Variants in TEX51 observed in about 807,000 individuals in gnomAD.
The protein encoded by TEX51 is testis-expressed protein 51.
A neutral mutation model predicts 8.0 loss-of-function variants in TEX51; 14 were observed. That is an observed-to-expected ratio of 1.76 (90% CI 1.16 to 2.75). TEX51 has a LOEUF of 2.75. TEX51 is among the 30% of genes most tolerant of loss of function. The pLI is 0.00. For missense variants in TEX51, 142 were observed against 77.4 expected, an observed-to-expected ratio of 1.83 and a Z score of -3.13; for synonymous variants, 58 against 28.6, an observed-to-expected ratio of 2.03 and a Z score of -3.29.
Position 126,899,008 on chromosome 2 carries a change from C to T in TEX51, c.90C>T (p.Asp30=). The T allele has an allele frequency of 7.1e-6, 5 of 702,298 alleles. No homozygotes were observed. Among genetic ancestry groups the T allele is most frequent in the Non-Finnish European group, 1.3e-5 (5 of 384,828 alleles). 43.5% of individuals were successfully genotyped at this position (702,298 alleles called of 1,614,324 possible). Residue 30 remains aspartate, a synonymous_variant, in exon 1 of 7, where the codon GAC becomes GAT. Coordinates refer to ENST00000568484, the MANE Select transcript of TEX51 (RefSeq NM_001322244.2). The part of the protein sequence containing the change: ...RCWPELSALI[D]YDLQILWVTP... ...GGCCAGAACTGTCTGCCTTGATAGA[C>T]TATGACCTGCAGATCCTCTGGGTGA...
At chr2:126,899,348 C>T in intron 2 of TEX51, 57 bp downstream of exon 2, 2 of 700,562 alleles carry the variant, frequency 2.9e-6, no homozygotes, top group Non-Finnish European at 5.2e-6. Context: ...GGCCCACCCT[C>T]CAAGGCATTC....
chr2:126,900,015 C>T lies in TEX51; in HGVS notation c.390C>T (p.Cys130=). The change falls in exon 4 of 7, where the codon TGC becomes TGT. Residue 130 remains cysteine (C), a synonymous_variant. Transcript: ENST00000568484. ...TCTCCTGCAATGACCCCACTTTCTG[C>T]CCAGGTCAGTGGCCACCACCCTGTC... ...HFLSCNDPTF[C]PARNRRTSLW... is the part of the protein sequence containing the mutation. The T allele has an allele frequency of 1.4e-6, 1 of 700,822 alleles. No homozygotes were observed. Among genetic ancestry groups the T allele is most frequent in the Non-Finnish European group, 2.6e-6 (1 of 384,814 alleles). 43.4% of individuals were successfully genotyped at this position (700,822 alleles called of 1,614,324 possible).
intron 4 of TEX51, among the ~76,000 whole-genome samples, chr2:126,900,789 C>T (rs757963474): frequency 3.3e-4 from 51 of 152,302 alleles, no homozygotes; most frequent in Middle Eastern, 6.8e-3. Flanking sequence ...CCACCCTCCT[C>T]GGGAGCCCCC....
chr2:126,901,544 A>G, intron 6 of TEX51, 140 bp downstream of exon 6: 1 of 617,892 alleles, frequency 1.6e-6, no homozygotes. Context: ...ATCGAGGGCC[A>G]GGACTCTCAG....
At chr2:126,901,753 C>T (rs1680344814) in intron 6 of TEX51, 119 bp from the exon 7 acceptor site, 1 of 573,086 alleles carries the variant, frequency 1.7e-6, no homozygotes, top group Non-Finnish European at 3.1e-6. Flanking sequence ...CTGCCTTGCC[C>T]TCTGCTCTGG....
chr2:126,899,876 C>A, intron 3 of TEX51, 60 bp from the exon 4 acceptor site: 1 of 702,256 alleles, frequency 1.4e-6, no homozygotes, highest in South Asian at 1.5e-5. Context: ...GGGGACTGGG[C>A]CTGGGGGAGG....
chr2:126,901,448 G>A (rs1480896684), intron 6 of TEX51, 44 bp downstream of exon 6: 1 of 701,542 alleles, frequency 1.4e-6, no homozygotes, highest in Admixed American at 2.0e-5. Context: ...GGCTCCCAGA[G>A]GGAAAAGCTG....
chr2:126,899,792 TC>T (rs1448738325), intron 3 of TEX51, 143 bp from the exon 4 acceptor site: 1 of 701,874 alleles, frequency 1.4e-6, no homozygotes, highest in African/African-American at 1.8e-5. Context: ...TCTGTCTGCC[TC>T]CCCAGCACCT....
rs1378880488 is a variant in TEX51, at chr2:126,899,943, G to T, written c.318G>T (p.Gln106His). 1.4e-6 allele frequency: 1 copy of T among 701,924 alleles called. No individual in the cohort carries two copies. The highest frequency in any genetic ancestry group is 2.6e-6 in the Non-Finnish European group (1 of 384,804). The allele number at this position is 701,924 out of a possible 1,614,324, so 43.5% of individuals were successfully genotyped here. A position where few individuals can be genotyped will look rare whatever the true frequency, so the allele number is the denominator to read the frequency against. The change falls in exon 4 of 7, where the codon CAG (glutamine) becomes CAT (histidine). Residue 106 changes from glutamine to histidine, a missense_variant. By Grantham distance (24) the Gln-to-His change is conservative. Coordinates refer to ENST00000568484, the MANE Select transcript of TEX51 (RefSeq NM_001322244.2). ...ISDGLKEKDIQSTLKVTSCAD... is the reference protein window; with the variant it reads ...ISDGLKEKDIHSTLKVTSCAD... ...GTCCCTCCCCTCCCATAGACATACA[G>T]TCCACACTGAAGGTCACCAGCTGTG...
rs984229206 is a variant in TEX51 at position 126,898,895 on chromosome 2, G to A, written c.-24G>A. The A allele has an allele frequency of 4.3e-6, 3 of 692,018 alleles. No homozygotes were observed. Among genetic ancestry groups the A allele is most frequent in the East Asian group, 5.4e-5 (2 of 37,018 alleles). 42.9% of individuals were successfully genotyped at this position (692,018 alleles called of 1,614,324 possible). ...GTGGAACTTCCAGGCAGGGCACTGG[G>A]GCACAGTAGGAGGAACCCAGAAGAT... On this transcript the variant is annotated 5_prime_UTR_variant, in exon 1 of 7. Transcript: ENST00000568484.
chr2:126,899,308 C>A lies in TEX51; in HGVS notation c.220+17C>A, dbSNP rs914999761. The A allele has an allele frequency of 8.5e-6, 6 of 702,160 alleles. No individual in the cohort carries two copies. 43.5% of individuals were successfully genotyped at this position (702,160 alleles called of 1,614,324 possible). The stretch of plus-strand genomic sequence containing the variant: ...TACGAGATGGTGAGGAAGCCAAGAG[C>A]CCCAGGGCCTTGGGGCTTGGGTTGA... On this transcript the variant is annotated intron_variant, in intron 2 of 6. Transcript: ENST00000568484.
intron 6 of TEX51, 38 bp from the exon 7 acceptor site, chr2:126,901,834 G>C (rs1320015447): frequency 1.7e-6 from 1 of 584,480 alleles, no homozygotes; most frequent in Non-Finnish European, 3.1e-6. Context: ...GTAGTGGGAG[G>C]TCAGGGTAGA....
At position 126,901,363 on chromosome 2, in the gene TEX51, A is replaced by G. The variant is rs1464802816; in HGVS notation, c.464-2A>G. ...CTGACTCCACCCTGTTTCTTGGCCC[A>G]GATGTTTCTTTTACTGGCAAAGGAA... is the stretch of plus-strand genomic sequence containing the variant. On this transcript the variant is annotated splice_acceptor_variant, in intron 5 of 6. Transcript: ENST00000568484. LOFTEE classifies it high-confidence loss of function. 2 of 702,292 alleles carry G rather than the reference A, an allele frequency of 2.8e-6. No homozygotes were observed. Among genetic ancestry groups the G allele is most frequent in the Admixed American group, 2.0e-5 (1 of 50,012 alleles). The allele number at this position is 702,292 out of a possible 1,614,324, so 43.5% of individuals were successfully genotyped here.
chr2:126,899,430 CT>C, intron 2 of TEX51, 92 bp from the exon 3 acceptor site: 2 of 679,076 alleles, frequency 2.9e-6, no homozygotes, highest in Non-Finnish European at 5.4e-6. Context: ...TCTCCGTGTG[CT>C]CTTTGGAACT....
Position 126,898,949 on chromosome 2 carries a change from C to T in TEX51, c.31C>T (p.Pro11Ser), listed in dbSNP as rs987338546. MLPLLIICLL[P>S]AIEGKNCLRC... ...GCCTCTCCTGATCATCTGTCTCCTG[C>T]CTGCCATTGAAGGGAAGAACTGCCT... Residue 11 changes from proline (P) to serine (S), a missense_variant, in exon 1 of 7, where the codon CCT (proline) becomes TCT (serine). Physicochemically the swap from Pro to Ser is moderately conservative, Grantham distance 74 (BLOSUM62 -1). Transcript: ENST00000568484. The T allele has an allele frequency of 1.6e-4, 112 of 700,992 alleles. No homozygotes were observed. The highest frequency in any genetic ancestry group is 2.7e-4 in the Non-Finnish European group (105 of 384,798). 43.4% of individuals were successfully genotyped at this position (700,992 alleles called of 1,614,324 possible).
rs1293720925 is a variant in TEX51, at chr2:126,899,944, TC to T, written c.321del (p.Thr108HisfsTer2). 1 of 701,796 alleles carries T rather than the reference TC, an allele frequency of 1.4e-6. No homozygotes were observed. Among genetic ancestry groups the T allele is most frequent in the Non-Finnish European group, 2.6e-6 (1 of 384,752 alleles). The allele number at this position is 701,796 out of a possible 1,614,324, so 43.5% of individuals were successfully genotyped here. A position where few individuals can be genotyped will look rare whatever the true frequency, so the allele number is the denominator to read the frequency against. Reference protein sequence around the residue: ...SDGLKEKDIQSTLKVTSCADC... With the variant: ...SDGLKEKDIQXTLKVTSCADC... Reference sequence around the variant, plus strand: ...TCCCTCCCCTCCCATAGACATACAGTCCACACTGAAGGTCACCAGCTGTGCT... The same window carrying T: ...TCCCTCCCCTCCCATAGACATACAGTCACACTGAAGGTCACCAGCTGTGCT... On this transcript the variant is annotated frameshift_variant, in exon 4 of 7. Coordinates refer to ENST00000568484, the MANE Select transcript of TEX51 (RefSeq NM_001322244.2). LOFTEE classifies it high-confidence loss of function.
rs1680241546 is a variant in TEX51 at position 126,899,989 on chromosome 2, C to A, written c.364C>A (p.Leu122Ile). 4 of 701,300 alleles carry A rather than the reference C, an allele frequency of 5.7e-6. No homozygotes were observed. Among genetic ancestry groups the A allele is most frequent in the Non-Finnish European group, 2.6e-6 (1 of 384,820 alleles). 43.4% of individuals were successfully genotyped at this position (701,300 alleles called of 1,614,324 possible). A position where few individuals can be genotyped will look rare whatever the true frequency, so the allele number is the denominator to read the frequency against. The change falls in exon 4 of 7, where the codon CTC (leucine) becomes ATC (isoleucine). Residue 122 changes from leucine to isoleucine, a missense_variant. Leu to Ile is a conservative substitution (Grantham distance 5). Transcript: ENST00000568484. ...TSCADCRTHFLSCNDPTFCPA... is the reference protein window; with the variant it reads ...TSCADCRTHFISCNDPTFCPA... ...CTGTGCTGACTGCAGGACTCACTTCCTCTCCTGCAATGACCCCACTTTCTG... is the reference window on the plus strand; with the variant it reads ...CTGTGCTGACTGCAGGACTCACTTCATCTCCTGCAATGACCCCACTTTCTG...
Position 126,901,965 on chromosome 2 carries a change from TC to T in TEX51, c.*102del. The T allele has an allele frequency of 6.1e-6, 4 of 658,064 alleles. No homozygotes were observed. Among genetic ancestry groups the T allele is most frequent in the Admixed American group, 4.5e-5 (2 of 44,676 alleles). 40.8% of individuals were successfully genotyped at this position (658,064 alleles called of 1,614,324 possible). ...TCATCTCTGGGTCCCGGTGACCCCATCCCCCCATACCCTCCATCCTGGGTCC... is the reference window on the plus strand; with the variant it reads ...TCATCTCTGGGTCCCGGTGACCCCATCCCCCATACCCTCCATCCTGGGTCC... On this transcript the variant is annotated 3_prime_UTR_variant, in exon 7 of 7. Coordinates refer to ENST00000568484, the MANE Select transcript of TEX51 (RefSeq NM_001322244.2).
chr2:126,900,122 G>C (rs1680248662), intron 4 of TEX51, 103 bp downstream of exon 4: 5 of 682,360 alleles, frequency 7.3e-6, no homozygotes, highest in Admixed American at 6.1e-5. Context: ...AGCTTTTCTT[G>C]TTCTTTATCC....
Sources: allele counts gnomAD v4.1 joint callset (sites outside exome capture counted in the v4.1 genomes callset), GRCh38; gene constraint gnomAD v4.1.1; transcripts MANE v1.5; gene names NCBI Gene and HGNC (gene_info 2026-07-23, HGNC 2026-07-21).